SLC7A6: variants seen among roughly 807,000 people sequenced by gnomAD.
The protein encoded by SLC7A6 is solute carrier family 7 member 6.
Under a neutral mutation model 46.6 loss-of-function variants are expected in SLC7A6, and 29 were observed. That is an observed-to-expected ratio of 0.62 (90% CI 0.46 to 0.85). SLC7A6 has a LOEUF of 0.85. Ranked by LOEUF, SLC7A6 falls within the 40% of genes least tolerant of loss-of-function variation. The probability of loss-of-function intolerance (pLI) is 0.00; values close to 1 mark genes in which losing one functional copy is unlikely to be tolerated. For missense variants in SLC7A6, 527 were observed against 647.6 expected (o/e 0.81, Z 2.02); for synonymous variants, 276 against 257.3 (o/e 1.07, Z -0.70).
At position 68,291,763 on chromosome 16, in the gene SLC7A6, G is replaced by GTGTGTGTA. The variant is rs1491122067; in HGVS notation, c.1022+109_1022+110insATGTGTGT. 7.8e-5 allele frequency: 23 copies of GTGTGTGTA among 295,628 alleles called. No individual in the cohort carries two copies. The African/African-American group carries it at 2.0e-3, about 26-fold the overall frequency. The allele number at this position is 295,628 out of a possible 1,614,324, so 18.3% of individuals were successfully genotyped here. Reference sequence around the variant, plus strand: ...TCCCTCCTTCTCATGGGCATATAGGGTGTGTGTGTGTGTGTGTGTGTGTGT... The same window carrying GTGTGTGTA: ...TCCCTCCTTCTCATGGGCATATAGGGTGTGTGTATGTGTGTGTGTGTGTGTGTGTGTGT... On this transcript the variant is annotated intron_variant, in intron 7 of 10. Transcript: ENST00000219343.
intron 10 of SLC7A6, 76 bp downstream of exon 10, chr16:68,296,886 G>C: frequency 6.7e-7 from 1 of 1,493,064 alleles, no homozygotes; most frequent in Non-Finnish European, 9.1e-7. Flanking sequence ...GTGGCTAACA[G>C]CTTCCCCATA....
chr16:68,267,042 C>T (rs2042545257), intron 2 of SLC7A6, among the ~76,000 whole-genome samples: 1 of 151,862 alleles, frequency 6.6e-6, no homozygotes, highest in Non-Finnish European at 1.5e-5. Flanking sequence ...TCAAGCGATT[C>T]TCCTGCCTCA....
At chr16:68,292,771 C>T (rs1243262869) in intron 7 of SLC7A6, 3 of 152,306 alleles carry the variant, frequency 2.0e-5, no homozygotes, top group East Asian at 1.9e-4. Flanking sequence ...CTTATTAAGG[C>T]GATCTCTTTC....
intron 3 of SLC7A6, among the ~76,000 whole-genome samples, chr16:68,279,561 CAG>C (rs1168408359): frequency 6.6e-6 from 1 of 152,076 alleles, no homozygotes; most frequent in Non-Finnish European, 1.5e-5. Context: ...TTTTTTGAGA[CAG>C]AGTCTTGCTT....
Position 68,291,656 on chromosome 16 carries a change from A to T in SLC7A6, c.1017A>T (p.Ser339=). The change falls in exon 7 of 11, where the codon TCA becomes TCT. Residue 339 remains serine, a synonymous_variant. Transcript: ENST00000219343. ...GCCTCAATGCATCCATCTTTGCTTCATCAAGGTACTGTGTCTCTGTGTCAC... is the reference window on the plus strand; with the variant it reads ...GCCTCAATGCATCCATCTTTGCTTCTTCAAGGTACTGTGTCTCTGTGTCAC... ...FGGLNASIFA[S]SRLFFVGSRE... 2 of 1,613,638 alleles carry T rather than the reference A, an allele frequency of 1.2e-6. No homozygotes were observed. Among genetic ancestry groups the T allele is most frequent in the Non-Finnish European group, 1.7e-6 (2 of 1,179,636 alleles).
At chr16:68,294,581 T>C in intron 7 of SLC7A6, 124 bp from the exon 8 acceptor site, 1 of 711,752 alleles carries the variant, frequency 1.4e-6, no homozygotes, top group South Asian at 1.6e-5. Context: ...GGACCTGGGA[T>C]GCTCCTGGGA....
At chr16:68,266,499 T>TA in intron 1 of SLC7A6, 94 bp from the exon 2 acceptor site, 1 of 152,040 alleles carries the variant, frequency 6.6e-6, no homozygotes, top group East Asian at 1.9e-4. Context: ...CTTGGTTAAT[T>TA]AAAAATAATT....
chr16:68,278,707 C>T (rs2042766157), intron 3 of SLC7A6, among the ~76,000 whole-genome samples: 2 of 152,232 alleles, frequency 1.3e-5, no homozygotes, highest in African/African-American at 4.8e-5. Flanking sequence ...CCTATGTCTA[C>T]TTCTTTCTAC....
At chr16:68,276,664 C>T (rs755460820) in intron 3 of SLC7A6, among the ~76,000 whole-genome samples, 29 of 152,098 alleles carry the variant, frequency 1.9e-4, no homozygotes, top group Admixed American at 1.5e-3. Flanking sequence ...TCTGGTCTGA[C>T]TGAGCTTTCT....
At chr16:68,293,830 G>A (rs1776970106) in intron 7 of SLC7A6, among the ~76,000 whole-genome samples, 3 of 152,228 alleles carry the variant, frequency 2.0e-5, no homozygotes, top group African/African-American at 7.2e-5. Context: ...CTCAAGCCTA[G>A]CGAGTGAGTG....
intron 3 of SLC7A6, among the ~76,000 whole-genome samples, chr16:68,280,804 G>T (rs2042816039): frequency 6.6e-6 from 1 of 151,440 alleles, no homozygotes; most frequent in South Asian, 2.1e-4. Context: ...GCGCGATCTC[G>T]GCTCACTGCA....
rs981487262 is a variant in SLC7A6, at chr16:68,272,270, T to A, written c.-36-2421T>A. 2.8e-5 allele frequency among the ~76,000 whole-genome samples: 4 copies of A among 145,372 alleles called. No individual in the cohort carries two copies. In the East Asian group the frequency reaches 6.5e-4, roughly 24 times the overall value. On this transcript the variant is annotated intron_variant, in intron 2 of 10. Transcript: ENST00000219343. ...CTCTACAGACAAATTAAAAAAAAAATACATAAATAAATAGCTGGGCATGGT... is the reference window on the plus strand; with the variant it reads ...CTCTACAGACAAATTAAAAAAAAAAAACATAAATAAATAGCTGGGCATGGT...
chr16:68,287,822 C>T lies in SLC7A6; in HGVS notation c.600C>T (p.Val200=), dbSNP rs375698999. Residue 200 remains valine, a synonymous_variant, in exon 4 of 11, where the codon GTC becomes GTT. Transcript: ENST00000219343. ...RVQDTFTYAK[V]VALIAIIVMG... ...AGGACACGTTCACTTACGCCAAGGT[C>T]GTAGCGCTCATTGCCATCATTGTCA... is the stretch of plus-strand genomic sequence containing the variant. The T allele has an allele frequency of 1.2e-5, 19 of 1,614,170 alleles. No homozygotes were observed. Among genetic ancestry groups the T allele is most frequent in the Admixed American group, 5.0e-5 (3 of 60,032 alleles).
chr16:68,271,158 CTTAT>C (rs981197323), intron 2 of SLC7A6, among the ~76,000 whole-genome samples: 3 of 151,548 alleles, frequency 2.0e-5, no homozygotes, highest in African/African-American at 4.8e-5. Context: ...CTAGTTTTTT[CTTAT>C]TTCATTTTTT....
In SLC7A6 at chr16:68,291,619, C is replaced by T. The variant is rs534336169; in HGVS notation, c.980C>T (p.Ser327Phe). 7.4e-6 allele frequency: 12 copies of T among 1,614,046 alleles called. No homozygotes were observed. The highest frequency in any genetic ancestry group is 1.0e-5 in the Non-Finnish European group (12 of 1,180,034). ...SWTIPIAVAL[S>F]CFGGLNASIF... Reference sequence around the variant, plus strand: ...ACCATCCCCATTGCTGTTGCCCTGTCCTGCTTTGGGGGCCTCAATGCATCC... The same window carrying T: ...ACCATCCCCATTGCTGTTGCCCTGTTCTGCTTTGGGGGCCTCAATGCATCC... Residue 327 changes from serine (S) to phenylalanine (F), a missense_variant, in exon 7 of 11, where the codon TCC (serine) becomes TTC (phenylalanine). By Grantham distance (155) the Ser-to-Phe change is radical. Transcript: ENST00000219343.
chr16:68,292,259 G>GC (rs2043072730), intron 7 of SLC7A6: 1 of 152,536 alleles, frequency 6.6e-6, no homozygotes, highest in Admixed American at 6.5e-5. Context: ...TCTCCTCTGT[G>GC]CAGACATCTA....
chr16:68,296,442 TTCGTGGGCCTG>T lies in SLC7A6; in HGVS notation c.1201_1211del (p.Val401CysfsTer43). 1 of 1,614,172 alleles carries T rather than the reference TTCGTGGGCCTG, an allele frequency of 6.2e-7. No homozygotes were observed. Reference sequence around the variant, plus strand: ...CTACTTCAGCTTCAGCTACTGGTTCTTCGTGGGCCTGTCTGTTGTTGGACAGCTCTACCTCC... The same window carrying T: ...CTACTTCAGCTTCAGCTACTGGTTCTTCTGTTGTTGGACAGCTCTACCTCC... On this transcript the variant is annotated frameshift_variant, in exon 9 of 11. Transcript: ENST00000219343. LOFTEE classifies it high-confidence loss of function.
chr16:68,301,264 T>TCAC lies in SLC7A6; in HGVS notation c.*3937_*3939dup. On this transcript the variant is annotated 3_prime_UTR_variant, in exon 11 of 11. Transcript: ENST00000219343. ...GGCATGTGGCAGAACCTCATGGACA[T>TCAC]CACAAGACCATCAGTCTGAATCCAG... 1 of 1,613,816 alleles carries TCAC rather than the reference T, an allele frequency of 6.2e-7. No individual in the cohort carries two copies.
At chr16:68,286,133 A>G (rs1316717876) in intron 3 of SLC7A6, among the ~76,000 whole-genome samples, 2 of 151,960 alleles carry the variant, frequency 1.3e-5, no homozygotes, top group Non-Finnish European at 1.5e-5. Context: ...GAAGGAAAAT[A>G]AAATGATATA....
Sources: allele counts gnomAD v4.1 joint callset (sites outside exome capture counted in the v4.1 genomes callset), GRCh38; gene constraint gnomAD v4.1.1; transcripts MANE v1.5; gene names NCBI Gene and HGNC (gene_info 2026-07-23, HGNC 2026-07-21).